The following WASF2 variants were observed in gnomAD, a reference collection of about 807,000 sequenced individuals.
WASF2 encodes WASP family member 2, also known as actin-binding protein WASF2.
WASF2 carries 14 observed loss-of-function variants against 45.0 expected under a neutral mutation model. The ratio of observed to expected loss-of-function variants is 0.31; its 90% CI spans 0.21 to 0.49. The LOEUF (loss-of-function observed/expected upper bound fraction) is 0.49. WASF2 is among the 20% of genes least tolerant of loss of function. The probability of loss-of-function intolerance (pLI) is 0.99; values close to 1 mark genes in which losing one functional copy is unlikely to be tolerated. For synonymous variants in WASF2, 200 were observed against 236.3 expected, an observed-to-expected ratio of 0.85 and a Z score of 1.41; for missense variants, 439 against 636.1, an observed-to-expected ratio of 0.69 and a Z score of 3.33.
At chr1:27,457,693 T>G (rs1031332629) in intron 1 of WASF2, among the ~76,000 whole-genome samples, 1 of 151,324 alleles carries the variant, frequency 6.6e-6, no homozygotes, top group Non-Finnish European at 1.5e-5. Context: ...TAATCATAGC[T>G]CACTGCAGCC....
At chr1:27,449,775 C>T (rs2017359122) in intron 1 of WASF2, among the ~76,000 whole-genome samples, 1 of 152,030 alleles carries the variant, frequency 6.6e-6, no homozygotes, top group Non-Finnish European at 1.5e-5. Context: ...TCTGGCATCC[C>T]ACCAGGTCAC....
intron 1 of WASF2, among the ~76,000 whole-genome samples, chr1:27,436,386 G>A (rs2017138476): frequency 6.6e-6 from 1 of 152,168 alleles, no homozygotes; most frequent in Non-Finnish European, 1.5e-5. Context: ...CTTGGAGGTT[G>A]CAGAGAGCTA....
chr1:27,486,708 G>A (rs1244326802), intron 1 of WASF2, among the ~76,000 whole-genome samples: 1 of 152,066 alleles, frequency 6.6e-6, no homozygotes, highest in Non-Finnish European at 1.5e-5. Context: ...TGGATCAACC[G>A]AGGTCAGGAG....
intron 1 of WASF2, among the ~76,000 whole-genome samples, chr1:27,430,453 T>G (rs1459068663): frequency 6.6e-6 from 1 of 152,122 alleles, no homozygotes; most frequent in African/African-American, 2.4e-5. Flanking sequence ...CTCCACCTAC[T>G]GGGCTCAAGC....
intron 1 of WASF2, among the ~76,000 whole-genome samples, chr1:27,482,018 T>C (rs1019030722): frequency 2.0e-5 from 3 of 152,216 alleles, no homozygotes. Context: ...TTCAATTCTG[T>C]TTGGTTTCTA....
At chr1:27,466,883 T>G (rs867975220) in intron 1 of WASF2, among the ~76,000 whole-genome samples, 4 of 152,048 alleles carry the variant, frequency 2.6e-5, no homozygotes, top group African/African-American at 2.4e-5. Context: ...CAATAATTTT[T>G]TATTGATTAT....
chr1:27,450,113 C>T (rs1424067050), intron 1 of WASF2, among the ~76,000 whole-genome samples: 1 of 151,820 alleles, frequency 6.6e-6, no homozygotes, highest in Non-Finnish European at 1.5e-5. Context: ...CATTGCACTC[C>T]AGCCCGGGCA....
At chr1:27,450,100 C>T (rs143113992) in intron 1 of WASF2, among the ~76,000 whole-genome samples, 5,836 of 151,322 alleles carry the variant, frequency 0.039, 585 homozygotes, top group East Asian at 0.36. Flanking sequence ...GTGGAGATCA[C>T]GCCATTGCAC....
intron 1 of WASF2, among the ~76,000 whole-genome samples, chr1:27,432,120 AGAAG>A (rs2017073078): frequency 6.6e-6 from 1 of 152,182 alleles, no homozygotes; most frequent in Non-Finnish European, 1.5e-5. Flanking sequence ...AACTTGACCA[AGAAG>A]AAAAAAATCT....
intron 1 of WASF2, among the ~76,000 whole-genome samples, chr1:27,487,724 T>TATATTATATAATGTATATC (rs1296843809): frequency 8.1e-6 from 1 of 123,380 alleles, no homozygotes; most frequent in African/African-American, 3.1e-5. Flanking sequence ...TGTATATCAT[T>TATATTATATAATGTATATC]ATATTATATA....
chr1:27,486,660 A>C (rs942433879), intron 1 of WASF2, among the ~76,000 whole-genome samples: 37 of 152,180 alleles, frequency 2.4e-4, no homozygotes, highest in Non-Finnish European at 1.0e-4. Flanking sequence ...GTGGTGGCTC[A>C]CGCCTGTAAT....
chr1:27,459,272 T>C (rs1488915166), intron 1 of WASF2: 1 of 152,280 alleles, frequency 6.6e-6, no homozygotes, highest in Admixed American at 6.5e-5. Flanking sequence ...GTGATCCTCC[T>C]GCCTCAGCCT....
At chr1:27,448,033 G>A (rs916240215) in intron 1 of WASF2, among the ~76,000 whole-genome samples, 1 of 152,212 alleles carries the variant, frequency 6.6e-6, no homozygotes, top group Non-Finnish European at 1.5e-5. Flanking sequence ...ACCTGTGGAA[G>A]TAAAAGAATA....
chr1:27,480,871 T>C (rs991657004), intron 1 of WASF2, among the ~76,000 whole-genome samples: 1 of 149,688 alleles, frequency 6.7e-6, no homozygotes, highest in African/African-American at 2.5e-5. Flanking sequence ...TAGCCGGGCG[T>C]GGTGGCAGGC....
chr1:27,439,623 A>G (rs1454272094), intron 1 of WASF2, among the ~76,000 whole-genome samples: 1 of 152,232 alleles, frequency 6.6e-6, no homozygotes, highest in Non-Finnish European at 1.5e-5. Context: ...TAGCAAATAA[A>G]TAGAAGTTCA....
Position 27,405,599 on chromosome 1 carries a change from C to CTTTTTTTTTTTTTTTTTTTTT in WASF2, c.*2569_*2589dup, listed in dbSNP as rs769753375. On this transcript the variant is annotated 3_prime_UTR_variant, in exon 9 of 9. Transcript: ENST00000618852. ...TAAAGGGCTCTGGGTCTAAAGAAGC[C>CTTTTTTTTTTTTTTTTTTTTT]TTTTTTTTTTTTTTTTTTTTTTTTT... 4 of 56,646 alleles carry CTTTTTTTTTTTTTTTTTTTTT rather than the reference C, an allele frequency of 7.1e-5. No individual in the cohort carries two copies. The highest frequency in any genetic ancestry group is 5.8e-4 in the East Asian group (1 of 1,722). The allele number at this position is 56,646 out of a possible 1,614,324, so 3.5% of individuals were successfully genotyped here.
At chr1:27,443,020 C>T (rs1018830451) in intron 1 of WASF2, among the ~76,000 whole-genome samples, 2 of 147,444 alleles carry the variant, frequency 1.4e-5, no homozygotes, top group South Asian at 2.1e-4. Flanking sequence ...AAAAATTAGC[C>T]AGGCACGGTG....
chr1:27,454,153 GTATA>G (rs869245464), intron 1 of WASF2, among the ~76,000 whole-genome samples: 1,978 of 97,858 alleles, frequency 0.02, 37 homozygotes, highest in Non-Finnish European at 0.03. Flanking sequence ...GTGTGTGTGT[GTATA>G]TATATATATA....
chr1:27,447,747 G>T (rs1188280888), intron 1 of WASF2, among the ~76,000 whole-genome samples: 1 of 152,106 alleles, frequency 6.6e-6, no homozygotes, highest in African/African-American at 2.4e-5. Flanking sequence ...AAGAAAATAA[G>T]AAGTAATTTC....
Sources: gnomAD v4.1 joint callset for allele counts (sites outside exome capture counted in the v4.1 genomes callset) on GRCh38, gnomAD v4.1.1 for gene constraint, MANE v1.5 for transcripts, NCBI Gene and HGNC (gene_info 2026-07-23, HGNC 2026-07-21) for gene names.